CSNK1G1: variants seen among roughly 807,000 people sequenced by gnomAD.
CSNK1G1 encodes casein kinase I isoform gamma-1.
Under a neutral mutation model 59.6 loss-of-function variants are expected in CSNK1G1, and 22 were observed. The ratio of observed to expected loss-of-function variants is 0.37; its 90% CI spans 0.26 to 0.53. The LOEUF (loss-of-function observed/expected upper bound fraction) is 0.53, where lower values mean the gene tolerates loss of function less well. Ranked by LOEUF, CSNK1G1 falls within the 20% of genes least tolerant of loss-of-function variation. The pLI is 0.89. For missense variants in CSNK1G1, 384 were observed against 519.5 expected (o/e 0.74, Z 2.54); for synonymous variants, 179 against 177.1 (o/e 1.01, Z -0.08).
intron 10 of CSNK1G1, among the ~76,000 whole-genome samples, chr15:64,191,125 G>A (rs949296819): frequency 2.6e-5 from 4 of 152,050 alleles, no homozygotes; most frequent in Non-Finnish European, 4.4e-5. Context: ...GCAGTGGCAC[G>A]ATCTCGGCTC....
intron 2 of CSNK1G1, among the ~76,000 whole-genome samples, chr15:64,260,773 A>G (rs753883391): frequency 8.5e-5 from 13 of 152,102 alleles, no homozygotes; most frequent in East Asian, 1.9e-4. Flanking sequence ...GCTGCTTACA[A>G]TACAAATTCT....
chr15:64,181,608 A>G, intron 10 of CSNK1G1: 1 of 607,300 alleles, frequency 1.6e-6, no homozygotes, highest in Non-Finnish European at 2.6e-6. Context: ...AGCATAGTGT[A>G]GAAATTGCCC....
In CSNK1G1 at chr15:64,307,384, A is replaced by G. The variant is rs556327886; in HGVS notation, c.-224-6661T>C. On this transcript the variant is annotated intron_variant, in intron 1 of 11. Transcript: ENST00000303052. ...AAAGCAACAAGAAACTTAGGAAGCT[A>G]TATTACAAAACCTGTACAAAAATCT... 6.2e-4 allele frequency among the ~76,000 whole-genome samples: 94 copies of G among 152,272 alleles called. No individual in the cohort carries two copies. The South Asian group carries it at 9.6e-3, about 15-fold the overall frequency.
chr15:64,345,480 G>A (rs939253040), intron 1 of CSNK1G1, among the ~76,000 whole-genome samples: 1 of 152,194 alleles, frequency 6.6e-6, no homozygotes, highest in Non-Finnish European at 1.5e-5. Context: ...CTTGTCCTTA[G>A]TGACAGTTGA....
Position 64,180,381 on chromosome 15 carries a change from G to A in CSNK1G1, c.1181C>T (p.Ala394Val). 1 of 1,614,142 alleles carries A rather than the reference G, an allele frequency of 6.2e-7. No individual in the cohort carries two copies. The highest frequency in any genetic ancestry group is 8.5e-7 in the Non-Finnish European group (1 of 1,179,984). Residue 394 changes from alanine (A) to valine (V), a missense_variant, in exon 11 of 12, where the codon GCT (alanine) becomes GTT (valine). Physicochemically the swap from Ala to Val is moderately conservative, Grantham distance 64. Coordinates refer to ENST00000303052, the MANE Select transcript of CSNK1G1 (RefSeq NM_022048.5). ...TGAHSNAPIT[A>V]HAEVEVVEEA... is the part of the protein sequence containing the mutation. ...CTCCACTACCTCCACCTCGGCATGAGCTGTGATTGGTGCATTGGAGTGGGC... is the reference window on the plus strand; with the variant it reads ...CTCCACTACCTCCACCTCGGCATGAACTGTGATTGGTGCATTGGAGTGGGC...
At chr15:64,295,329 T>C (rs893185458) in intron 2 of CSNK1G1, among the ~76,000 whole-genome samples, 11 of 152,204 alleles carry the variant, frequency 7.2e-5, no homozygotes, top group African/African-American at 1.2e-4. Context: ...ACAAAAAAAT[T>C]TGCAGCTTCC....
At chr15:64,189,812 TTAC>T (rs1477504690) in intron 10 of CSNK1G1, among the ~76,000 whole-genome samples, 3 of 148,378 alleles carry the variant, frequency 2.0e-5, no homozygotes, top group African/African-American at 7.8e-5. Context: ...CAGCTACAAT[TTAC>T]TTTTTTTTTT....
intron 4 of CSNK1G1, among the ~76,000 whole-genome samples, chr15:64,243,058 G>A (rs539524913): frequency 6.6e-5 from 10 of 152,234 alleles, no homozygotes; most frequent in Non-Finnish European, 1.2e-4. Flanking sequence ...ATCCTCGGCT[G>A]GGCGCGGTGG....
intron 1 of CSNK1G1, among the ~76,000 whole-genome samples, chr15:64,338,700 CA>C (rs34206192): frequency 0.039 from 1,224 of 31,426 alleles, 2 homozygotes; most frequent in Middle Eastern, 0.071. Context: ...AACTCGGTCT[CA>C]AAAAAAAAAA....
At chr15:64,265,478 C>A (rs576434727) in intron 2 of CSNK1G1, among the ~76,000 whole-genome samples, 1 of 152,308 alleles carries the variant, frequency 6.6e-6, no homozygotes, top group East Asian at 1.9e-4. Flanking sequence ...TCTTTGCCTG[C>A]TGCCATGTAA....
intron 1 of CSNK1G1, among the ~76,000 whole-genome samples, chr15:64,338,778 G>A (rs1266723711): frequency 6.6e-6 from 1 of 151,396 alleles, no homozygotes; most frequent in African/African-American, 2.4e-5. Context: ...AGCACTTTGG[G>A]AGGTGGAAGC....
At chr15:64,233,884 C>A (rs1370689895) in intron 4 of CSNK1G1, among the ~76,000 whole-genome samples, 1 of 151,960 alleles carries the variant, frequency 6.6e-6, no homozygotes, top group Non-Finnish European at 1.5e-5. Flanking sequence ...CTATTTTTTT[C>A]TTCACAAAAT....
chr15:64,339,763 A>G (rs891644576), intron 1 of CSNK1G1, among the ~76,000 whole-genome samples: 1 of 152,252 alleles, frequency 6.6e-6, no homozygotes, highest in Non-Finnish European at 1.5e-5. Context: ...CAGAGGACAA[A>G]TTGCACAAGG....
At chr15:64,278,416 GTGTATATATA>G (rs1483348706) in intron 2 of CSNK1G1, among the ~76,000 whole-genome samples, 32 of 98,514 alleles carry the variant, frequency 3.2e-4, no homozygotes, top group African/African-American at 1.8e-3. Flanking sequence ...GTGTGTGTGT[GTGTATATATA>G]TATATATTTT....
intron 1 of CSNK1G1, among the ~76,000 whole-genome samples, chr15:64,343,434 A>G (rs556623982): frequency 6.6e-6 from 1 of 152,258 alleles, no homozygotes; most frequent in South Asian, 2.1e-4. Context: ...CTGCCTGCAC[A>G]TTACAAACAT....
intron 1 of CSNK1G1, among the ~76,000 whole-genome samples, chr15:64,315,150 A>T (rs761820547): frequency 6.7e-6 from 1 of 148,510 alleles, no homozygotes; most frequent in Non-Finnish European, 1.5e-5. Flanking sequence ...GCGGATGAGA[A>T]GAAGAGGGAA....
intron 4 of CSNK1G1, among the ~76,000 whole-genome samples, chr15:64,225,441 C>A (rs1008289997): frequency 6.6e-6 from 1 of 152,136 alleles, no homozygotes; most frequent in Non-Finnish European, 1.5e-5. Context: ...GGTTTTGGTC[C>A]ATTCTGGGAC....
At position 64,340,532 on chromosome 15, in the gene CSNK1G1, T is replaced by C. The variant is rs576564999; in HGVS notation, c.-225+15456A>G. Among the ~76,000 whole-genome samples the C allele has an allele frequency of 3.9e-5, 6 of 152,198 alleles. No individual in the cohort carries two copies. The South Asian group carries it at 6.2e-4, about 16-fold the overall frequency. On this transcript the variant is annotated intron_variant, in intron 1 of 11. Transcript: ENST00000303052. ...GTAAACTAAACCTTTTATTGTTATA[T>C]GATGTGGTAGAGACTGCAGGTGGCT...
At chr15:64,253,581 G>A (rs1368983776) in intron 3 of CSNK1G1, among the ~76,000 whole-genome samples, 2 of 152,144 alleles carry the variant, frequency 1.3e-5, no homozygotes, top group East Asian at 1.9e-4. Flanking sequence ...ATGCTCCAAA[G>A]AAGTGAAAGC....
Sources: gnomAD v4.1 joint callset for allele counts (sites outside exome capture counted in the v4.1 genomes callset) on GRCh38, gnomAD v4.1.1 for gene constraint, MANE v1.5 for transcripts, NCBI Gene and HGNC (gene_info 2026-07-23, HGNC 2026-07-21) for gene names.